The following ADAM7 variants were observed in gnomAD, a reference collection of about 807,000 sequenced individuals.
ADAM7 encodes the protein ADAM metallopeptidase domain 7.
In ADAM7, 97 loss-of-function variants were observed where a neutral mutation model predicts 102.9. The ratio of observed to expected loss-of-function variants is 0.94; its 90% CI spans 0.80 to 1.12. The LOEUF (loss-of-function observed/expected upper bound fraction) is 1.12. Among genes scored for constraint, ADAM7 ranks in the 50% most tolerant of loss-of-function variants. The probability of loss-of-function intolerance (pLI) is 0.00; values close to 1 mark genes in which losing one functional copy is unlikely to be tolerated. For missense variants in ADAM7, 991 were observed against 908.7 expected (o/e 1.09, Z -1.16); for synonymous variants, 334 against 304.4 (o/e 1.10, Z -1.01).
chr8:24,495,913 G>A (rs6990678), intron 16 of ADAM7, among the ~76,000 whole-genome samples: 5,568 of 152,290 alleles, frequency 0.037, 348 homozygotes, highest in African/African-American at 0.13. Flanking sequence ...AGCTGGCTGC[G>A]GATGTCTGCA....
rs371722057 is a variant in ADAM7 at position 24,463,968 on chromosome 8, A to G, written c.312+8A>G. The G allele has an allele frequency of 1.9e-6, 3 of 1,605,954 alleles. No homozygotes were observed. The highest frequency in any genetic ancestry group is 2.6e-6 in the Non-Finnish European group (3 of 1,173,006). ...AGGCATCCTCAGATCATGGTATCTT[A>G]TGGAACTTTACTGTGTCTCTTCTCT... On this transcript the variant is annotated splice_region_variant and intron_variant, in intron 4 of 21. Transcript: ENST00000175238.
chr8:24,448,050 C>A (rs1404608897), intron 3 of ADAM7, among the ~76,000 whole-genome samples: 2 of 151,202 alleles, frequency 1.3e-5, no homozygotes, highest in African/African-American at 4.9e-5. Flanking sequence ...AAACATAATC[C>A]CATAACCATA....
chr8:24,481,956 G>A (rs544825370), intron 8 of ADAM7, among the ~76,000 whole-genome samples, 186 bp from the exon 9 acceptor site: 2 of 152,150 alleles, frequency 1.3e-5, no homozygotes, highest in South Asian at 4.1e-4. Flanking sequence ...AATTCACCAG[G>A]TATTCTGGGC....
At chr8:24,471,853 G>T (rs1487788003) in intron 7 of ADAM7, among the ~76,000 whole-genome samples, 1 of 151,872 alleles carries the variant, frequency 6.6e-6, no homozygotes, top group Non-Finnish European at 1.5e-5. Context: ...AATTACATCT[G>T]CCTGTTAGAA....
chr8:24,484,966 C>T (rs2129389319), intron 9 of ADAM7, among the ~76,000 whole-genome samples: 1 of 151,904 alleles, frequency 6.6e-6, no homozygotes, highest in Admixed American at 6.6e-5. Context: ...CCACCATGCC[C>T]AGCTAATTTT....
At chr8:24,475,396 T>G (rs1585889930) in intron 7 of ADAM7, among the ~76,000 whole-genome samples, 1 of 152,218 alleles carries the variant, frequency 6.6e-6, no homozygotes, top group East Asian at 1.9e-4. Context: ...AATAAAATAG[T>G]AGGAGTGTCC....
At chr8:24,453,795 G>A (rs1307230151) in intron 3 of ADAM7, among the ~76,000 whole-genome samples, 1 of 152,038 alleles carries the variant, frequency 6.6e-6, no homozygotes, top group Non-Finnish European at 1.5e-5. Flanking sequence ...TCTACTTTTG[G>A]TCTCTGATGA....
At chr8:24,450,858 A>C (rs1818756371) in intron 3 of ADAM7, among the ~76,000 whole-genome samples, 1 of 152,142 alleles carries the variant, frequency 6.6e-6, no homozygotes, top group South Asian at 2.1e-4. Flanking sequence ...TTTTAGCATG[A>C]AGGGTTGTTG....
At chr8:24,470,261 A>G (rs1055158481) in intron 7 of ADAM7, among the ~76,000 whole-genome samples, 1 of 146,726 alleles carries the variant, frequency 6.8e-6, no homozygotes, top group African/African-American at 2.4e-5. Flanking sequence ...TAAATTGAGT[A>G]CTAAAGTATC....
At chr8:24,476,525 TG>T in intron 8 of ADAM7, 21 bp downstream of exon 8, 3 of 1,579,604 alleles carry the variant, frequency 1.9e-6, no homozygotes, top group Non-Finnish European at 2.6e-6. Flanking sequence ...ATACAGTTTT[TG>T]AATCAAGCCA....
chr8:24,505,031 T>G (rs918452804), intron 20 of ADAM7, among the ~76,000 whole-genome samples: 2 of 152,182 alleles, frequency 1.3e-5, no homozygotes, highest in African/African-American at 4.8e-5. Context: ...AATGTAATTC[T>G]CATTCATTTG....
chr8:24,500,047 A>T lies in ADAM7; in HGVS notation c.1924-131A>T, dbSNP rs10503760. The T allele has an allele frequency of 0.012, 7,442 of 596,044 alleles. 431 individuals are homozygous for T. In the African/African-American group the frequency reaches 0.13, roughly 10 times the overall value. The allele number at this position is 596,044 out of a possible 1,614,324, so 36.9% of individuals were successfully genotyped here. ...CATTGATTTTGTTACACAGTTTAAT[A>T]AACGAATAAAAAGTTCGCGCTTGTG... On this transcript the variant is annotated intron_variant, in intron 17 of 21. Coordinates refer to ENST00000175238, the MANE Select transcript of ADAM7 (RefSeq NM_003817.4).
chr8:24,490,005 G>C (rs114975378), intron 12 of ADAM7, among the ~76,000 whole-genome samples: 375 of 152,312 alleles, frequency 2.5e-3, no homozygotes, highest in African/African-American at 8.2e-3. Context: ...TAAGTATGGA[G>C]TGGTTCTGAG....
chr8:24,471,548 C>G (rs1157482109), intron 7 of ADAM7, among the ~76,000 whole-genome samples: 1 of 151,766 alleles, frequency 6.6e-6, no homozygotes, highest in African/African-American at 2.4e-5. Context: ...TTACAATTGC[C>G]TACAATATTC....
intron 4 of ADAM7, among the ~76,000 whole-genome samples, chr8:24,464,604 T>C (rs562045128): frequency 6.6e-6 from 1 of 152,194 alleles, no homozygotes; most frequent in Non-Finnish European, 1.5e-5. Context: ...TGGTGAACTT[T>C]GTTTTGTTTT....
At chr8:24,497,908 G>C (rs1033608928) in intron 16 of ADAM7, among the ~76,000 whole-genome samples, 2 of 151,966 alleles carry the variant, frequency 1.3e-5, no homozygotes, top group African/African-American at 4.8e-5. Context: ...CATCTACAGA[G>C]GTTTGGGGAA....
At chr8:24,494,493 GAAGA>G (rs1003041684) in intron 16 of ADAM7, among the ~76,000 whole-genome samples, 1 of 151,576 alleles carries the variant, frequency 6.6e-6, no homozygotes, top group African/African-American at 2.4e-5. Flanking sequence ...GGCAAGGACT[GAAGA>G]AAGGGGCTGT....
chr8:24,456,383 C>T (rs76800269), intron 3 of ADAM7, among the ~76,000 whole-genome samples: 2,364 of 152,186 alleles, frequency 0.016, 30 homozygotes, highest in Middle Eastern at 0.034. Context: ...TGTCGATGGA[C>T]GCCTAGGTTG....
In ADAM7 at chr8:24,490,900, T is replaced by G. The variant is rs202159094; in HGVS notation, c.1356+12T>G. The G allele has an allele frequency of 6.2e-7, 1 of 1,601,610 alleles. No homozygotes were observed. The highest frequency in any genetic ancestry group is 1.7e-5 in the Admixed American group (1 of 57,728). On this transcript the variant is annotated intron_variant, in intron 13 of 21. Coordinates refer to ENST00000175238, the MANE Select transcript of ADAM7 (RefSeq NM_003817.4). Reference sequence around the variant, plus strand: ...GTGAATCTTGTCAGGTAAGGTCATGTGCCAGGAGAAGGTTTTTTTTTTTCA... The same window carrying G: ...GTGAATCTTGTCAGGTAAGGTCATGGGCCAGGAGAAGGTTTTTTTTTTTCA...
Sources: allele counts gnomAD v4.1 joint callset (sites outside exome capture counted in the v4.1 genomes callset), GRCh38; gene constraint gnomAD v4.1.1; transcripts MANE v1.5; gene names NCBI Gene and HGNC (gene_info 2026-07-23, HGNC 2026-07-21).